PDZRN3: variants seen among roughly 807,000 people sequenced by gnomAD.
The protein encoded by PDZRN3 is E3 ubiquitin-protein ligase PDZRN3.
Under a neutral mutation model 85.7 loss-of-function variants are expected in PDZRN3, and 38 were observed. The observed-to-expected ratio is 0.44, with a 90% CI of 0.34 to 0.58. The LOEUF (loss-of-function observed/expected upper bound fraction) is 0.58. Ranked by LOEUF, PDZRN3 falls within the 20% of genes least tolerant of loss-of-function variation. The probability of loss-of-function intolerance (pLI) is 0.01; values close to 1 mark genes in which losing one functional copy is unlikely to be tolerated. For missense variants in PDZRN3, 1,629 were observed against 1,506.4 expected (o/e 1.08, Z -1.35); for synonymous variants, 759 against 638.0 (o/e 1.19, Z -2.86).
intron 2 of PDZRN3, among the ~76,000 whole-genome samples, chr3:73,603,386 C>G (rs889001930): frequency 6.6e-6 from 1 of 152,176 alleles, no homozygotes; most frequent in African/African-American, 2.4e-5. Flanking sequence ...CCAACAAGCT[C>G]ATAAAAAACC....
intron 3 of PDZRN3, among the ~76,000 whole-genome samples, chr3:73,442,108 G>T (rs1002092096): frequency 2.6e-5 from 4 of 152,176 alleles, no homozygotes; most frequent in Non-Finnish European, 5.9e-5. Flanking sequence ...TCTGGGCCAG[G>T]CTCCCAGCCA....
Position 73,624,245 on chromosome 3 carries a change from C to A in PDZRN3, c.581G>T (p.Arg194Leu). 6.9e-7 allele frequency: 1 copy of A among 1,456,344 alleles called. No homozygotes were observed. Among genetic ancestry groups the A allele is most frequent in the Non-Finnish European group, 9.0e-7 (1 of 1,110,248 alleles). The allele number at this position is 1,456,344 out of a possible 1,614,324, so 90.2% of individuals were successfully genotyped here. A position where few individuals can be genotyped will look rare whatever the true frequency, so the allele number is the denominator to read the frequency against. ...LKKEALRAGK[R>L]EKSLVAQLAA... ...CAGCTGGGCCACCAGCGACTTCTCG[C>A]GCTTCCCAGCGCGCAGCGCCTCCTT... Residue 194 changes from arginine (R) to leucine (L), a missense_variant, in exon 1 of 10, where the codon CGC (arginine) becomes CTC (leucine). Arg to Leu is a moderately radical substitution (Grantham distance 102, BLOSUM62 -2). Transcript: ENST00000263666.
chr3:73,440,648 C>A (rs1227380063), intron 3 of PDZRN3, among the ~76,000 whole-genome samples: 2 of 152,210 alleles, frequency 1.3e-5, no homozygotes, highest in African/African-American at 4.8e-5. Flanking sequence ...CCGAGCAAGT[C>A]ATCTTTGTAA....
chr3:73,473,337 G>A (rs1703385045), intron 3 of PDZRN3, among the ~76,000 whole-genome samples: 1 of 152,044 alleles, frequency 6.6e-6, no homozygotes, highest in South Asian at 2.1e-4. Flanking sequence ...CCATGTCCTG[G>A]CAGCCAACTG....
chr3:73,598,030 T>A (rs967521623), intron 3 of PDZRN3, among the ~76,000 whole-genome samples: 3 of 152,174 alleles, frequency 2.0e-5, no homozygotes, highest in African/African-American at 7.2e-5. Flanking sequence ...ATATTGATCT[T>A]ATGTGATTTT....
At chr3:73,515,304 T>C (rs1704237918) in intron 3 of PDZRN3, among the ~76,000 whole-genome samples, 1 of 150,936 alleles carries the variant, frequency 6.6e-6, no homozygotes, top group Non-Finnish European at 1.5e-5. Context: ...GCCTCCGAAG[T>C]AGCTGGGACT....
intron 3 of PDZRN3, among the ~76,000 whole-genome samples, chr3:73,472,187 C>T (rs1056471145): frequency 1.3e-5 from 2 of 152,204 alleles, no homozygotes; most frequent in Admixed American, 1.3e-4. Flanking sequence ...TATTTCAATT[C>T]TGGCTTTGTT....
At chr3:73,573,233 G>A (rs949800212) in intron 3 of PDZRN3, among the ~76,000 whole-genome samples, 1 of 152,194 alleles carries the variant, frequency 6.6e-6, no homozygotes, top group African/African-American at 2.4e-5. Flanking sequence ...AGGGCCTTCA[G>A]TTGCCAGGGA....
At chr3:73,529,070 CTCTGTGGCTAGG>C (rs1282629635) in intron 3 of PDZRN3, among the ~76,000 whole-genome samples, 2 of 152,082 alleles carry the variant, frequency 1.3e-5, no homozygotes, top group Non-Finnish European at 2.9e-5. Flanking sequence ...TGTTTTGTGT[CTCTGTGGCTAGG>C]GCTGTGGAGC....
chr3:73,613,554 G>A (rs763944045), intron 1 of PDZRN3, among the ~76,000 whole-genome samples: 7 of 152,082 alleles, frequency 4.6e-5, no homozygotes, highest in Admixed American at 1.3e-4. Flanking sequence ...AGTGGGTCTC[G>A]ATGGATTGGT....
chr3:73,413,237 T>C (rs1702008191), intron 3 of PDZRN3, among the ~76,000 whole-genome samples: 1 of 152,206 alleles, frequency 6.6e-6, no homozygotes, highest in African/African-American at 2.4e-5. Flanking sequence ...CAGTAAACGC[T>C]ATCTTTTTCG....
chr3:73,384,388 G>C lies in PDZRN3; in HGVS notation c.2178C>G (p.Phe726Leu). The change falls in exon 10 of 10, where the codon TTC (phenylalanine) becomes TTG (leucine). Residue 726 changes from phenylalanine (F) to leucine (L), a missense_variant. Physicochemically the swap from Phe to Leu is conservative, Grantham distance 22. Transcript: ENST00000263666. The part of the protein sequence containing the change: ...RESWMLHNSG[F>L]RNYNTSIDVR... ...CGTCGATGCTGGTGTTGTAGTTGCG[G>C]AAGCCGCTGTTGTGCAGCATCCAGG... is the stretch of plus-strand genomic sequence containing the variant. 6 of 1,609,248 alleles carry C rather than the reference G, an allele frequency of 3.7e-6. No homozygotes were observed. The highest frequency in any genetic ancestry group is 5.1e-6 in the Non-Finnish European group (6 of 1,179,950).
At chr3:73,512,748 T>C (rs573600753) in intron 3 of PDZRN3, among the ~76,000 whole-genome samples, 4 of 152,350 alleles carry the variant, frequency 2.6e-5, no homozygotes, top group African/African-American at 9.6e-5. Context: ...GATAGAGTCA[T>C]ACTGAAGGCC....
chr3:73,497,846 T>C (rs1305787279), intron 3 of PDZRN3, among the ~76,000 whole-genome samples: 1 of 148,646 alleles, frequency 6.7e-6, no homozygotes, highest in Non-Finnish European at 1.5e-5. Context: ...GATGGGGACG[T>C]AACAGGGGCA....
intron 3 of PDZRN3, among the ~76,000 whole-genome samples, chr3:73,539,316 T>C (rs777379467): frequency 2.6e-5 from 4 of 152,186 alleles, no homozygotes; most frequent in Non-Finnish European, 4.4e-5. Flanking sequence ...TTTTGGATGC[T>C]TACAGAAGAA....
chr3:73,416,876 G>GTT (rs146381615), intron 3 of PDZRN3, among the ~76,000 whole-genome samples: 2,263 of 109,606 alleles, frequency 0.021, 157 homozygotes, highest in Non-Finnish European at 0.03. Flanking sequence ...TTTTTTTTTG[G>GTT]TTTTTTTTTT....
intron 3 of PDZRN3, among the ~76,000 whole-genome samples, chr3:73,578,024 A>G (rs1335700338): frequency 2.0e-5 from 3 of 152,224 alleles, no homozygotes; most frequent in Admixed American, 2.0e-4. Context: ...GGCCCTTTAC[A>G]GAAGTTTGCC....
intron 3 of PDZRN3, among the ~76,000 whole-genome samples, chr3:73,582,662 T>G (rs990469919): frequency 5.3e-5 from 8 of 152,100 alleles, no homozygotes; most frequent in Non-Finnish European, 1.2e-4. Flanking sequence ...AAATGTGGCA[T>G]AAAGGAAAGC....
At chr3:73,388,395 CAATT>C (rs1334172467) in intron 7 of PDZRN3, among the ~76,000 whole-genome samples, 1 of 151,862 alleles carries the variant, frequency 6.6e-6, no homozygotes, top group African/African-American at 2.4e-5. Context: ...AACATGGAAG[CAATT>C]AGACATAATA....
Sources: allele counts gnomAD v4.1 joint callset (sites outside exome capture counted in the v4.1 genomes callset), GRCh38; gene constraint gnomAD v4.1.1; transcripts MANE v1.5; gene names NCBI Gene and HGNC (gene_info 2026-07-23, HGNC 2026-07-21).